The following NBEA variants were observed in gnomAD, a reference collection of about 807,000 sequenced individuals.
NBEA encodes lysosomal-trafficking regulator 2.
A neutral mutation model predicts 343.4 loss-of-function variants in NBEA; 44 were observed. That is an observed-to-expected ratio of 0.13 (90% CI 0.10 to 0.16). NBEA has a LOEUF of 0.16. Ranked by LOEUF, NBEA falls within the 10% of genes least tolerant of loss-of-function variation. NBEA has a pLI of 1.00. For missense variants in NBEA, 2,555 were observed against 3,631.3 expected (o/e 0.70, Z 7.62); for synonymous variants, 1,175 against 1,238.7 (o/e 0.95, Z 1.08).
intron 35 of NBEA, among the ~76,000 whole-genome samples, chr13:35,297,747 A>G (rs924162193): frequency 2.0e-5 from 3 of 152,000 alleles, no homozygotes; most frequent in African/African-American, 7.2e-5. Flanking sequence ...AGCATATAGT[A>G]TAGGTAGTTA....
intron 36 of NBEA, among the ~76,000 whole-genome samples, chr13:35,336,184 A>G (rs185934685): frequency 9.5e-4 from 145 of 152,264 alleles, no homozygotes; most frequent in African/African-American, 3.3e-3. Context: ...CTCATCAGAT[A>G]ATGAAAACAC....
At chr13:35,258,852 A>T (rs2032927510) in intron 34 of NBEA, among the ~76,000 whole-genome samples, 1 of 152,228 alleles carries the variant, frequency 6.6e-6, no homozygotes, top group South Asian at 2.1e-4. Flanking sequence ...TACAGCATTC[A>T]ATAAATTACA....
intron 41 of NBEA, among the ~76,000 whole-genome samples, chr13:35,535,617 C>T (rs974932755): frequency 1.3e-5 from 2 of 152,134 alleles, no homozygotes; most frequent in African/African-American, 4.8e-5. Context: ...CTAACCTCCC[C>T]ACTTGATACT....
At chr13:35,277,622 CAAAAAAAAAAAAA>C (rs10603160) in intron 34 of NBEA, among the ~76,000 whole-genome samples, 19 of 49,910 alleles carry the variant, frequency 3.8e-4, no homozygotes, top group African/African-American at 1.5e-4. Context: ...ACTCCGTCTC[CAAAAAAAAAAAAA>C]AAAAAAAAAA....
chr13:35,468,055 C>T (rs954653149), intron 40 of NBEA, among the ~76,000 whole-genome samples: 4 of 151,488 alleles, frequency 2.6e-5, no homozygotes, highest in African/African-American at 7.3e-5. Context: ...TAATAGCCAT[C>T]GTTGCCTTTT....
At chr13:35,029,254 A>G (rs1004623426) in intron 1 of NBEA, among the ~76,000 whole-genome samples, 1 of 148,020 alleles carries the variant, frequency 6.8e-6, no homozygotes, top group African/African-American at 2.5e-5. Context: ...ACCATAGTCT[A>G]TAACACCACT....
intron 38 of NBEA, among the ~76,000 whole-genome samples, chr13:35,423,229 T>C (rs1016395008): frequency 3.9e-5 from 6 of 152,212 alleles, no homozygotes; most frequent in African/African-American, 9.6e-5. Context: ...TGCCCATGCC[T>C]ATGTTCCTGA....
At chr13:35,390,296 TA>T (rs950966755) in intron 38 of NBEA, among the ~76,000 whole-genome samples, 10 of 152,148 alleles carry the variant, frequency 6.6e-5, no homozygotes, top group Admixed American at 4.6e-4. Context: ...GGATTCTTTC[TA>T]ATTTCTCAAA....
At chr13:34,970,842 C>T (rs1479931351) in intron 1 of NBEA, among the ~76,000 whole-genome samples, 1 of 152,046 alleles carries the variant, frequency 6.6e-6, no homozygotes, top group Non-Finnish European at 1.5e-5. Context: ...CTTAGGATTG[C>T]TCTGGCTATT....
chr13:35,407,712 A>T (rs1195991335), intron 38 of NBEA, among the ~76,000 whole-genome samples: 1 of 152,134 alleles, frequency 6.6e-6, no homozygotes, highest in Non-Finnish European at 1.5e-5. Context: ...GCTATACATC[A>T]TCAACAGTCA....
At chr13:35,484,282 A>G (rs1022256968) in intron 41 of NBEA, among the ~76,000 whole-genome samples, 4,371 of 145,062 alleles carry the variant, frequency 0.03, 183 homozygotes, top group East Asian at 0.15. Flanking sequence ...GTGTATATAT[A>G]TATATATATA....
chr13:35,540,658 T>C (rs772067056), intron 41 of NBEA, among the ~76,000 whole-genome samples: 3 of 152,172 alleles, frequency 2.0e-5, no homozygotes, highest in Non-Finnish European at 2.9e-5. Flanking sequence ...TGTTTGTAAA[T>C]TAAATTTTAA....
intron 38 of NBEA, among the ~76,000 whole-genome samples, chr13:35,376,937 A>G (rs558695208): frequency 5.9e-5 from 9 of 152,222 alleles, no homozygotes; most frequent in South Asian, 4.2e-4. Flanking sequence ...ATTCCTAGCA[A>G]ATTTTCAGAC....
At chr13:35,000,368 T>C (rs1400522933) in intron 1 of NBEA, among the ~76,000 whole-genome samples, 1 of 152,038 alleles carries the variant, frequency 6.6e-6, no homozygotes, top group Non-Finnish European at 1.5e-5. Context: ...TAGTAAGCTA[T>C]GGTTCTGGTC....
intron 8 of NBEA, among the ~76,000 whole-genome samples, chr13:35,063,686 T>C (rs2063544715): frequency 6.6e-6 from 1 of 151,982 alleles, no homozygotes; most frequent in Non-Finnish European, 1.5e-5. Flanking sequence ...CTGGTTACTT[T>C]GGTAAATAGG....
chr13:35,082,332 G>T (rs933882365), intron 10 of NBEA, among the ~76,000 whole-genome samples: 2 of 152,108 alleles, frequency 1.3e-5, no homozygotes, highest in African/African-American at 2.4e-5. Context: ...GGACATTTGG[G>T]TTGGTTCCAA....
At chr13:35,470,632 G>T (rs1388765221) in intron 40 of NBEA, among the ~76,000 whole-genome samples, 1 of 152,136 alleles carries the variant, frequency 6.6e-6, no homozygotes, top group East Asian at 1.9e-4. Context: ...AGAGTAAACC[G>T]CATAGATTTC....
chr13:35,019,287 A>AT (rs1173882835), intron 1 of NBEA, among the ~76,000 whole-genome samples: 8 of 148,652 alleles, frequency 5.4e-5, no homozygotes, highest in Admixed American at 2.0e-4. Context: ...CTTTCATTAA[A>AT]TTTTTTTTTG....
At chr13:35,128,722 C>T (rs1280828844) in intron 17 of NBEA, among the ~76,000 whole-genome samples, 1 of 152,086 alleles carries the variant, frequency 6.6e-6, no homozygotes, top group Non-Finnish European at 1.5e-5. Flanking sequence ...GCCTACTAGC[C>T]AGAGGCAGGA....
Sources: gnomAD v4.1 joint callset for allele counts (sites outside exome capture counted in the v4.1 genomes callset) on GRCh38, gnomAD v4.1.1 for gene constraint, MANE v1.5 for transcripts, NCBI Gene and HGNC (gene_info 2026-07-23, HGNC 2026-07-21) for gene names.